Variants in HK1 observed in about 807,000 individuals in gnomAD.
The protein encoded by HK1 is hexokinase-1.
Under a neutral mutation model 91.6 loss-of-function variants are expected in HK1, and 28 were observed. The observed-to-expected ratio is 0.31, with a 90% CI of 0.23 to 0.42. The LOEUF (loss-of-function observed/expected upper bound fraction) is 0.42. Among genes scored for constraint, HK1 ranks in the 10% least tolerant of loss-of-function variants. HK1 has a pLI of 1.00. For synonymous variants in HK1, 430 were observed against 468.1 expected, an observed-to-expected ratio of 0.92 and a Z score of 1.05; for missense variants, 770 against 1,219.8, an observed-to-expected ratio of 0.63 and a Z score of 5.49.
Position 69,384,256 on chromosome 10 carries a change from T to C in HK1, c.1571-77T>C. 4 of 1,559,534 alleles carry C rather than the reference T, an allele frequency of 2.6e-6. No individual in the cohort carries two copies. In the Admixed American group the frequency reaches 6.7e-5, roughly 26 times the overall value. On this transcript the variant is annotated intron_variant, in intron 10 of 17. Transcript: ENST00000359426. ...TGCTATGGGGTTCTCCCCTTGAAAG[T>C]CTGGAGTCTTGGGGTTACTGGCTGC...
rs952020548 is a variant in HK1 at position 69,369,197 on chromosome 10, A to G, written c.592-40A>G. The stretch of plus-strand genomic sequence containing the variant: ...GTTAAGGTGTGTGATCTCTGCTCCC[A>G]TGTGTGAGTGGACAATGACACCCCG... On this transcript the variant is annotated intron_variant, in intron 5 of 17. Coordinates refer to ENST00000359426, the MANE Select transcript of HK1 (RefSeq NM_000188.3). This position sits in a 1 kb window ranked among gnomAD's most constrained non-coding sequence, Gnocchi z 4.4. The G allele has an allele frequency of 1.4e-6, 2 of 1,448,262 alleles. No individual in the cohort carries two copies. The highest frequency in any genetic ancestry group is 1.4e-5 in the African/African-American group (1 of 71,662). The allele number at this position is 1,448,262 out of a possible 1,614,324, so 89.7% of individuals were successfully genotyped here.
chr10:69,299,356 G>A (rs982774594), intron 4 of HK1, among the ~76,000 whole-genome samples: 4 of 132,106 alleles, frequency 3.0e-5, no homozygotes, highest in Admixed American at 2.9e-4. Flanking sequence ...TTTGTTTGTG[G>A]TTTTTGTTTG....
At chr10:69,361,285 T>C (rs1589539670) in intron 3 of HK1, among the ~76,000 whole-genome samples, 1 of 152,230 alleles carries the variant, frequency 6.6e-6, no homozygotes, top group Non-Finnish European at 1.5e-5. Flanking sequence ...GCCCAAGGGC[T>C]CCCCTGCTAC....
At position 69,369,333 on chromosome 10, in the gene HK1, A is replaced by T; in HGVS notation, c.688A>T (p.Ile230Phe). The T allele has an allele frequency of 6.2e-7, 1 of 1,614,070 alleles. No homozygotes were observed. Among genetic ancestry groups the T allele is most frequent in the Non-Finnish European group, 8.5e-7 (1 of 1,179,908 alleles). ...CCAGCACTGTGAAGTCGGCCTGATC[A>T]TCGGTAATGCATTCCCCTTTGCCCA... ...DDQHCEVGLI[I>F]GTGTNACYME... Residue 230 changes from isoleucine (I) to phenylalanine (F), a missense_variant, in exon 6 of 18, where the codon ATC becomes TTC. Physicochemically the swap from Ile to Phe is conservative, Grantham distance 21. Coordinates refer to ENST00000359426, the MANE Select transcript of HK1 (RefSeq NM_000188.3). This position sits in a 1 kb window ranked among gnomAD's most constrained non-coding sequence, Gnocchi z 4.4.
chr10:69,285,917 C>T (rs1049452020), intron 2 of HK1, among the ~76,000 whole-genome samples: 5 of 152,170 alleles, frequency 3.3e-5, no homozygotes, highest in African/African-American at 9.7e-5. Context: ...CCTCCTACTC[C>T]GTCTCCTGGG....
At chr10:69,277,121 C>G (rs1460263454) in intron 1 of HK1, among the ~76,000 whole-genome samples, 2 of 152,168 alleles carry the variant, frequency 1.3e-5, no homozygotes, top group Admixed American at 1.3e-4. Context: ...GCTAATTTCG[C>G]TGGATATAAA....
intron 4 of HK1, chr10:69,296,174 T>C (rs12241382): frequency 0.035 from 6,258 of 179,680 alleles, 170 homozygotes; most frequent in African/African-American, 0.08. Context: ...CTGTTTGTGC[T>C]GACCTACCCT....
chr10:69,336,549 T>C (rs542964349), intron 1 of HK1, among the ~76,000 whole-genome samples: 11 of 152,012 alleles, frequency 7.2e-5, no homozygotes, highest in African/African-American at 2.4e-4. Context: ...GTAGTTTTGT[T>C]AGAATCTTTC....
intron 2 of HK1, among the ~76,000 whole-genome samples, chr10:69,352,837 C>T (rs2132724924): frequency 6.6e-6 from 1 of 152,194 alleles, no homozygotes; most frequent in Middle Eastern, 3.4e-3. Flanking sequence ...CTGAAAACCA[C>T]TGAATTTTTC....
At chr10:69,395,575 G>C (rs977873120) in intron 16 of HK1, among the ~76,000 whole-genome samples, 9 of 152,178 alleles carry the variant, frequency 5.9e-5, no homozygotes, top group Admixed American at 3.3e-4. Context: ...GAGCGAGACT[G>C]CATCTCAATA....
chr10:69,386,062 CG>C (rs1358060613), intron 12 of HK1, among the ~76,000 whole-genome samples: 3 of 152,060 alleles, frequency 2.0e-5, no homozygotes, highest in African/African-American at 7.3e-5. Flanking sequence ...CCGTCTTTGC[CG>C]TCTGCTGAGT....
At chr10:69,356,216 A>G (rs1046501067) in intron 2 of HK1, among the ~76,000 whole-genome samples, 1 of 151,900 alleles carries the variant, frequency 6.6e-6, no homozygotes, top group Non-Finnish European at 1.5e-5. Context: ...CAAGAGGATC[A>G]CTTGAGCGAA....
intron 3 of HK1, chr10:69,295,620 G>A: frequency 2.5e-6 from 4 of 1,593,108 alleles, no homozygotes; most frequent in Non-Finnish European, 3.4e-6. Context: ...TACTTGTCCT[G>A]TCTTTCTCTA....
intron 1 of HK1, among the ~76,000 whole-genome samples, chr10:69,275,224 C>CA (rs57075431): frequency 0.68 from 101,599 of 148,742 alleles, 35,148 homozygotes; most frequent in East Asian, 0.92. Context: ...AACCAAAAAA[C>CA]AAAAAACCTT....
At chr10:69,386,662 G>A in intron 13 of HK1, 2 of 381,066 alleles carry the variant, frequency 5.2e-6, no homozygotes, top group South Asian at 2.1e-5. Context: ...CGCACCTGTA[G>A]TCCCAGCTAC....
At chr10:69,322,985 T>G (rs1428411117) in intron 1 of HK1, among the ~76,000 whole-genome samples, 1 of 147,838 alleles carries the variant, frequency 6.8e-6, no homozygotes, top group Non-Finnish European at 1.5e-5. Flanking sequence ...CAGTGGCTCA[T>G]GCCTGTAATC....
chr10:69,301,007 G>A (rs1164955890), intron 5 of HK1: 1 of 545,384 alleles, frequency 1.8e-6, no homozygotes, highest in African/African-American at 1.9e-5. Context: ...CACTTTGGGA[G>A]GCTGAGGCAG....
intron 8 of HK1, among the ~76,000 whole-genome samples, chr10:69,378,194 A>G (rs954903161): frequency 6.6e-6 from 1 of 152,098 alleles, no homozygotes; most frequent in Non-Finnish European, 1.5e-5. Flanking sequence ...TCACTGGCCA[A>G]GTCAGGAAAT....
chr10:69,306,213 C>G (rs1421905858), intron 5 of HK1, among the ~76,000 whole-genome samples: 3 of 151,790 alleles, frequency 2.0e-5, no homozygotes. Flanking sequence ...AAAAAATTAG[C>G]CACGCATTGT....
Sources: allele counts gnomAD v4.1 joint callset (sites outside exome capture counted in the v4.1 genomes callset), GRCh38; gene constraint gnomAD v4.1.1; non-coding constraint Gnocchi (gnomAD v3.1); transcripts MANE v1.5; gene names NCBI Gene and HGNC (gene_info 2026-07-23, HGNC 2026-07-21).